SH3KBP1: variants seen among roughly 807,000 people sequenced by gnomAD.
SH3KBP1 encodes SH3 domain containing kinase binding protein 1.
A neutral mutation model predicts 50.1 loss-of-function variants in SH3KBP1; 8 were observed. The ratio of observed to expected loss-of-function variants is 0.16; its 90% CI spans 0.09 to 0.29. The LOEUF (loss-of-function observed/expected upper bound fraction) is 0.29. Among genes scored for constraint, SH3KBP1 ranks in the 10% least tolerant of loss-of-function variants. SH3KBP1 has a pLI of 1.00. For missense variants in SH3KBP1, 377 were observed against 535.2 expected (o/e 0.70, Z 2.92); for synonymous variants, 227 against 218.6 (o/e 1.04, Z -0.34).
At chrX:19,816,508 T>A (rs2067359488) in intron 2 of SH3KBP1, among the ~76,000 whole-genome samples, 1 of 112,229 alleles carries the variant, frequency 8.9e-6, no homozygotes, top group African/African-American at 3.2e-5. Context: ...GATCTTTTTT[T>A]ATTTAATAGA....
At chrX:19,873,273 CATAT>C (rs767661962) in intron 1 of SH3KBP1, among the ~76,000 whole-genome samples, 1 of 78,619 alleles carries the variant, frequency 1.3e-5, no homozygotes, top group Non-Finnish European at 2.4e-5. Flanking sequence ...AAAACAAGGA[CATAT>C]ATATATATAT....
intron 13 of SH3KBP1, among the ~76,000 whole-genome samples, chrX:19,554,371 A>AATATGAT (rs1407725521): frequency 1.2e-5 from 1 of 81,662 alleles, no homozygotes; most frequent in African/African-American, 6.0e-5. Flanking sequence ...ATCATATTAA[A>AATATGAT]ATATAATATA....
chrX:19,610,757 G>A (rs2067388194), intron 8 of SH3KBP1, among the ~76,000 whole-genome samples: 1 of 111,650 alleles, frequency 9.0e-6, no homozygotes, highest in Admixed American at 9.5e-5. Flanking sequence ...ACCATTAACA[G>A]TTTTTGCAAT....
At chrX:19,767,441 G>T (rs1199996790) in intron 2 of SH3KBP1, among the ~76,000 whole-genome samples, 1 of 112,563 alleles carries the variant, frequency 8.9e-6, no homozygotes, top group Non-Finnish European at 1.9e-5. Flanking sequence ...AACATGCTCA[G>T]CTGAATTTCT....
At chrX:19,816,968 G>A (rs1052076618) in intron 2 of SH3KBP1, among the ~76,000 whole-genome samples, 3 of 111,660 alleles carry the variant, frequency 2.7e-5, no homozygotes, top group African/African-American at 9.8e-5. Flanking sequence ...GATTTAGGCC[G>A]AGTTTCACTT....
chrX:19,732,529 A>G (rs2064410931), intron 3 of SH3KBP1, among the ~76,000 whole-genome samples: 1 of 108,590 alleles, frequency 9.2e-6, no homozygotes, highest in African/African-American at 3.4e-5. Context: ...GGACCTGTGC[A>G]GTTCAAAGCT....
chrX:19,573,448 G>T (rs111598973), intron 12 of SH3KBP1, among the ~76,000 whole-genome samples: 2,285 of 107,395 alleles, frequency 0.021, 57 homozygotes, highest in African/African-American at 0.072. Context: ...CACCACATCA[G>T]GCTAATTTTT....
intron 13 of SH3KBP1, among the ~76,000 whole-genome samples, chrX:19,562,167 T>G (rs1316762826): frequency 8.9e-6 from 1 of 111,982 alleles, no homozygotes; most frequent in Non-Finnish European, 1.9e-5. Context: ...CTTAATAAAG[T>G]GATACCAGAA....
chrX:19,866,580 C>A (rs1222765558), intron 1 of SH3KBP1, among the ~76,000 whole-genome samples: 1 of 108,714 alleles, frequency 9.2e-6, no homozygotes, highest in Non-Finnish European at 1.9e-5. Flanking sequence ...GTCCCAGCTA[C>A]TCGGGAGGCT....
intron 1 of SH3KBP1, among the ~76,000 whole-genome samples, chrX:19,886,204 C>T (rs904544806): frequency 2.7e-5 from 3 of 112,200 alleles, no homozygotes; most frequent in African/African-American, 9.7e-5. Flanking sequence ...CTGTCAACAA[C>T]GGACTGGGTT....
intron 8 of SH3KBP1, among the ~76,000 whole-genome samples, chrX:19,629,002 G>A (rs781700627): frequency 1.8e-5 from 2 of 111,965 alleles, no homozygotes; most frequent in African/African-American, 6.5e-5. Flanking sequence ...AGCTACTCAG[G>A]AGGCTGAGGT....
intron 6 of SH3KBP1, among the ~76,000 whole-genome samples, chrX:19,651,037 G>A (rs747585124): frequency 1.8e-5 from 2 of 111,163 alleles, no homozygotes; most frequent in Non-Finnish European, 3.8e-5. Context: ...AAAACTCACT[G>A]TAAACTTTTT....
chrX:19,777,836 G>A (rs1419883675), intron 2 of SH3KBP1, among the ~76,000 whole-genome samples: 3 of 111,795 alleles, frequency 2.7e-5, no homozygotes, highest in Non-Finnish European at 5.7e-5. Context: ...CCCCAGCCCA[G>A]ACTATTGAAC....
chrX:19,864,602 G>A (rs1441017509), intron 1 of SH3KBP1, among the ~76,000 whole-genome samples: 2 of 111,635 alleles, frequency 1.8e-5, no homozygotes, highest in Non-Finnish European at 3.8e-5. Flanking sequence ...CTAGAAGATG[G>A]GAAATGGAAG....
intron 5 of SH3KBP1, chrX:19,695,195 C>A: frequency 2.1e-6 from 1 of 473,167 alleles, no homozygotes; most frequent in Non-Finnish European, 3.6e-6. Flanking sequence ...TAGCACTTCA[C>A]TTCTCACCAC....
At chrX:19,564,133 AG>A (rs762238200) in intron 13 of SH3KBP1, among the ~76,000 whole-genome samples, 1 of 112,336 alleles carries the variant, frequency 8.9e-6, no homozygotes, top group African/African-American at 3.2e-5. Context: ...AAAACAGGAC[AG>A]AAAAACCAAT....
chrX:19,668,935 A>AAT (rs56844238), intron 6 of SH3KBP1, among the ~76,000 whole-genome samples: 1,603 of 32,688 alleles, frequency 0.049, 44 homozygotes, highest in East Asian at 0.086. Context: ...GATTGAGGGT[A>AAT]ATATATATAT....
intron 2 of SH3KBP1, among the ~76,000 whole-genome samples, chrX:19,754,830 T>C (rs1398692747): frequency 1.8e-5 from 2 of 111,558 alleles, no homozygotes; most frequent in Non-Finnish European, 3.8e-5. Flanking sequence ...AGATCAGGCT[T>C]AGGAGCAGAG....
intron 1 of SH3KBP1, among the ~76,000 whole-genome samples, chrX:19,840,570 G>A (rs1221995539): frequency 1.8e-5 from 2 of 112,046 alleles, no homozygotes; most frequent in Admixed American, 9.5e-5. Flanking sequence ...TGAAGATCTT[G>A]GATGATACAA....
Sources: gnomAD v4.1 joint callset for allele counts (sites outside exome capture counted in the v4.1 genomes callset) on GRCh38, gnomAD v4.1.1 for gene constraint, MANE v1.5 for transcripts, NCBI Gene and HGNC (gene_info 2026-07-23, HGNC 2026-07-21) for gene names.